Variants in COMMD9 observed in about 807,000 individuals in gnomAD.
The protein encoded by COMMD9 is COMM domain containing 9.
A neutral mutation model predicts 23.4 loss-of-function variants in COMMD9; 22 were observed. The observed-to-expected ratio is 0.94, with a 90% CI of 0.67 to 1.34. COMMD9 has a LOEUF of 1.34. COMMD9 is among the 40% of genes most tolerant of loss of function. The pLI, the probability that COMMD9 is intolerant of heterozygous loss-of-function variation, is 0.00. For missense variants in COMMD9, 231 were observed against 240.2 expected, an observed-to-expected ratio of 0.96 and a Z score of 0.25; for synonymous variants, 99 against 97.4, an observed-to-expected ratio of 1.02 and a Z score of -0.10.
In COMMD9 at chr11:36,274,669, C is replaced by T. The variant is rs376183350; in HGVS notation, c.560G>A (p.Arg187His). The T allele has an allele frequency of 9.3e-6, 15 of 1,614,130 alleles. No homozygotes were observed. In the African/African-American group the frequency reaches 1.1e-4, roughly 11 times the overall value. ...CACGGCAGAGAGTTGGTCTCGGATG[C>T]GGCCCAGGCCATCTAACATGGTGTC... is the stretch of plus-strand genomic sequence containing the variant. ...TLDTMLDGLG[R>H]IRDQLSAVAS... Residue 187 changes from arginine (R) to histidine (H), a missense_variant, in exon 6 of 6, where the codon CGC becomes CAC. Arg to His is a conservative substitution (Grantham distance 29, BLOSUM62 0). Coordinates refer to ENST00000263401, the MANE Select transcript of COMMD9 (RefSeq NM_014186.4).
rs147014879 is a variant in COMMD9 at position 36,274,262 on chromosome 11, A to C, written c.*370T>G. ...ATGAACTAATTAGAGCTAATGTTGG[A>C]AATAAACTTACTTATTGGATAGGCT... On this transcript the variant is annotated 3_prime_UTR_variant, in exon 6 of 6. Coordinates refer to ENST00000263401, the MANE Select transcript of COMMD9 (RefSeq NM_014186.4). 8.0e-4 allele frequency: 383 copies of C among 479,702 alleles called. 3 individuals are homozygous for C. Among genetic ancestry groups the C allele is most frequent in the African/African-American group, 6.8e-3 (347 of 51,260 alleles). The allele number at this position is 479,702 out of a possible 1,614,324, so 29.7% of individuals were successfully genotyped here.
chr11:36,276,064 C>T, intron 5 of COMMD9, 73 bp downstream of exon 5: 2 of 1,109,174 alleles, frequency 1.8e-6, no homozygotes, highest in Non-Finnish European at 2.8e-6. Flanking sequence ...AGATCCCAAA[C>T]CTTGGAGACT....
intron 1 of COMMD9, among the ~76,000 whole-genome samples, chr11:36,286,422 G>GAAAA (rs1856158042): frequency 2.2e-5 from 1 of 45,608 alleles, no homozygotes; most frequent in Non-Finnish European, 5.1e-5. Context: ...AAGAAAGAAA[G>GAAAA]AAAGAAAGAA....
intron 1 of COMMD9, among the ~76,000 whole-genome samples, chr11:36,286,317 A>C (rs1856150283): frequency 6.8e-6 from 1 of 147,428 alleles, no homozygotes; most frequent in Non-Finnish European, 1.5e-5. Context: ...TGGGAGGCCA[A>C]GGCTGGTGGA....
chr11:36,274,457 G>A lies in COMMD9; in HGVS notation c.*175C>T, dbSNP rs745618603. 17 of 810,740 alleles carry A rather than the reference G, an allele frequency of 2.1e-5. No individual in the cohort carries two copies. The highest frequency in any genetic ancestry group is 6.7e-5 in the African/African-American group (4 of 59,804). The allele number at this position is 810,740 out of a possible 1,614,324, so 50.2% of individuals were successfully genotyped here. A position where few individuals can be genotyped will look rare whatever the true frequency, so the allele number is the denominator to read the frequency against. ...GAAAGAAGATGAGTGAGAACAGCGG[G>A]GGATCTGGCTGCTTCTTCCCAATCC... On this transcript the variant is annotated 3_prime_UTR_variant, in exon 6 of 6. Transcript: ENST00000263401.
At chr11:36,286,410 A>AAAAAAAAG (rs1285648187) in intron 1 of COMMD9, among the ~76,000 whole-genome samples, 21 of 104,818 alleles carry the variant, frequency 2.0e-4, no homozygotes, top group African/African-American at 2.7e-4. Context: ...AAAAAAAAAA[A>AAAAAAAAG]AAAGAAAGAA....
chr11:36,286,565 C>CTGTA (rs956582535), intron 1 of COMMD9, among the ~76,000 whole-genome samples: 13 of 152,156 alleles, frequency 8.5e-5, no homozygotes, highest in Admixed American at 7.9e-4. Flanking sequence ...TGCCACTGAA[C>CTGTA]TGTAGCCTGG....
chr11:36,274,854 G>C, intron 5 of COMMD9, 82 bp from the exon 6 acceptor site: 1 of 1,547,210 alleles, frequency 6.5e-7, no homozygotes, highest in Non-Finnish European at 8.8e-7. Flanking sequence ...CTGCGAGGCT[G>C]AGCTCAGTTC....
At chr11:36,281,122 G>A (rs912202047) in intron 1 of COMMD9, among the ~76,000 whole-genome samples, 2 of 152,154 alleles carry the variant, frequency 1.3e-5, no homozygotes, top group African/African-American at 4.8e-5. Context: ...ACACAGTGGT[G>A]AGTTCCCTGG....
chr11:36,279,350 G>A (rs922010478), intron 2 of COMMD9, among the ~76,000 whole-genome samples: 1 of 152,228 alleles, frequency 6.6e-6, no homozygotes, highest in African/African-American at 2.4e-5. Context: ...AAGTGTAAGA[G>A]GGGTTTATGG....
At chr11:36,275,634 C>T (rs1855957947) in intron 5 of COMMD9, among the ~76,000 whole-genome samples, 2 of 152,096 alleles carry the variant, frequency 1.3e-5, no homozygotes, top group African/African-American at 2.4e-5. Flanking sequence ...GGTAGAGATG[C>T]GGTTTCACCA....
intron 3 of COMMD9, among the ~76,000 whole-genome samples, chr11:36,277,650 T>C (rs1011262588): frequency 5.3e-5 from 8 of 152,002 alleles, no homozygotes; most frequent in Non-Finnish European, 1.0e-4. Flanking sequence ...TGCTAACCAA[T>C]AGTTAATCAA....
intron 1 of COMMD9, 142 bp from the exon 2 acceptor site, chr11:36,280,979 A>T (rs1293415114): frequency 1.2e-6 from 1 of 865,588 alleles, no homozygotes; most frequent in Non-Finnish European, 1.6e-6. Context: ...TAGGAAGATC[A>T]AATAGATGTA....
intron 1 of COMMD9, among the ~76,000 whole-genome samples, chr11:36,288,655 G>A (rs986696735): frequency 6.6e-6 from 1 of 152,102 alleles, no homozygotes; most frequent in Non-Finnish European, 1.5e-5. Context: ...ACATAAATTT[G>A]CCAGGCTTGG....
intron 1 of COMMD9, among the ~76,000 whole-genome samples, chr11:36,286,674 G>A (rs866239074): frequency 1.3e-5 from 2 of 152,062 alleles, no homozygotes; most frequent in African/African-American, 2.4e-5. Flanking sequence ...TACAGGATGT[G>A]CATGCTGAAA....
chr11:36,276,733 G>GC (rs1205095288), intron 4 of COMMD9: 7 of 210,634 alleles, frequency 3.3e-5, no homozygotes, highest in Middle Eastern at 1.7e-3. Context: ...CTCCAGCACT[G>GC]TGGCTGGCTC....
intron 2 of COMMD9, among the ~76,000 whole-genome samples, chr11:36,279,888 T>G (rs1476443740): frequency 6.6e-6 from 1 of 152,150 alleles, no homozygotes; most frequent in Non-Finnish European, 1.5e-5. Flanking sequence ...GGTGGATTGC[T>G]TGAGCTCAGG....
At chr11:36,281,824 C>T (rs961074952) in intron 1 of COMMD9, among the ~76,000 whole-genome samples, 1 of 152,164 alleles carries the variant, frequency 6.6e-6, no homozygotes, top group Non-Finnish European at 1.5e-5. Flanking sequence ...TAGATGTCAA[C>T]ACCAAGATGA....
intron 1 of COMMD9, among the ~76,000 whole-genome samples, chr11:36,285,246 T>C (rs1413709428): frequency 6.6e-6 from 1 of 152,080 alleles, no homozygotes; most frequent in Non-Finnish European, 1.5e-5. Flanking sequence ...AAACATAAAT[T>C]TGATAATTTA....
Sources: allele counts gnomAD v4.1 joint callset (sites outside exome capture counted in the v4.1 genomes callset), GRCh38; gene constraint gnomAD v4.1.1; transcripts MANE v1.5; gene names NCBI Gene and HGNC (gene_info 2026-07-23, HGNC 2026-07-21).